The following ZNF236 variants were observed in gnomAD, a reference collection of about 807,000 sequenced individuals.
The protein encoded by ZNF236 is regulated by glucose.
In ZNF236, 50 loss-of-function variants were observed where a neutral mutation model predicts 191.2. The observed-to-expected ratio is 0.26, with a 90% CI of 0.21 to 0.33. The LOEUF (loss-of-function observed/expected upper bound fraction) is 0.33. Among genes scored for constraint, ZNF236 ranks in the 10% least tolerant of loss-of-function variants. The probability of loss-of-function intolerance (pLI) is 1.00; values close to 1 mark genes in which losing one functional copy is unlikely to be tolerated. For missense variants in ZNF236, 1,754 were observed against 2,374.5 expected (o/e 0.74, Z 5.43); for synonymous variants, 907 against 928.8 (o/e 0.98, Z 0.43).
intron 3 of ZNF236, among the ~76,000 whole-genome samples, chr18:76,855,787 G>C (rs925875698): frequency 2.6e-5 from 4 of 152,126 alleles, no homozygotes; most frequent in African/African-American, 7.2e-5. Context: ...TATCTTGTGA[G>C]TAGAGGATGC....
rs1968419159 is a variant in ZNF236, at chr18:76,951,928, G to A, written c.4915-4057G>A. On this transcript the variant is annotated intron_variant, in intron 27 of 30. Coordinates refer to ENST00000320610, the MANE Select transcript of ZNF236 (RefSeq NM_001306089.2). ...AATAGGGAGGCCCAAGGAGAGGTGG[G>A]ATGGCCAGTTGGTGAAGCAGTCAGA... 2.0e-5 allele frequency among the ~76,000 whole-genome samples: 3 copies of A among 152,206 alleles called. 1 individual carries two copies. The South Asian group carries it at 6.2e-4, about 32-fold the overall frequency.
At chr18:76,914,924 A>G (rs1040991713) in intron 18 of ZNF236, among the ~76,000 whole-genome samples, 2 of 152,220 alleles carry the variant, frequency 1.3e-5, no homozygotes, top group Non-Finnish European at 2.9e-5. Flanking sequence ...AGAAACATAG[A>G]GCCAAGCAAA....
chr18:76,860,726 C>G (rs1433686349), intron 3 of ZNF236, among the ~76,000 whole-genome samples: 1 of 152,236 alleles, frequency 6.6e-6, no homozygotes, highest in African/African-American at 2.4e-5. Flanking sequence ...GTTGTAAGAA[C>G]TTACACATTC....
chr18:76,915,739 C>T lies in ZNF236; in HGVS notation c.3154C>T (p.Pro1052Ser). ...CATGGCCACACATATGAGCATGAAGCCTTATAAGTGTCCGTTTTGTGAGGA... is the reference window on the plus strand; with the variant it reads ...CATGGCCACACATATGAGCATGAAGTCTTATAAGTGTCCGTTTTGTGAGGA... ...RHMATHMSMKPYKCPFCEEGF... is the reference protein window; with the variant it reads ...RHMATHMSMKSYKCPFCEEGF... The change falls in exon 19 of 31, where the codon CCT becomes TCT. Residue 1052 changes from proline (P) to serine (S), a missense_variant. By Grantham distance (74) the Pro-to-Ser change is moderately conservative (BLOSUM62 -1). Around this residue, in one of 5 missense-constraint regions of ZNF236, gnomAD observed 641 missense variants for 869.6 expected, o/e 0.74. Coordinates refer to ENST00000320610, the MANE Select transcript of ZNF236 (RefSeq NM_001306089.2). The T allele has an allele frequency of 3.7e-6, 6 of 1,614,062 alleles. No individual in the cohort carries two copies. The highest frequency in any genetic ancestry group is 4.2e-6 in the Non-Finnish European group (5 of 1,180,014).
At position 76,824,138 on chromosome 18, in the gene ZNF236, A is replaced by C; in HGVS notation, c.55+1476A>C. ...TAAAGAGCTTGTGACCAAACAACAC[A>C]GGTGCCCCAGAGAAAGGTCGGGCCT... On this transcript the variant is annotated intron_variant, in intron 1 of 30. Coordinates refer to ENST00000320610, the MANE Select transcript of ZNF236 (RefSeq NM_001306089.2). 6.8e-6 allele frequency: 4 copies of C among 591,596 alleles called. No homozygotes were observed. The South Asian group carries it at 8.2e-5, about 12-fold the overall frequency. The allele number at this position is 591,596 out of a possible 1,614,324, so 36.6% of individuals were successfully genotyped here.
chr18:76,921,737 CTTTTTTT>C (rs11380490), intron 20 of ZNF236, among the ~76,000 whole-genome samples: 1 of 98,050 alleles, frequency 1.0e-5, no homozygotes, highest in African/African-American at 3.8e-5. Context: ...GTGGGATGTT[CTTTTTTT>C]TTTTTTTTTT....
At chr18:76,894,921 C>T (rs1568216732) in intron 9 of ZNF236, 92 bp from the exon 10 acceptor site, 6 of 1,507,260 alleles carry the variant, frequency 4.0e-6, no homozygotes, top group African/African-American at 1.4e-5. Flanking sequence ...ACTGATCATG[C>T]GTGCAGCTTT....
rs1377593771 is a variant in ZNF236 at position 76,880,706 on chromosome 18, G to T, written c.1188+390G>T. 3.9e-5 allele frequency among the ~76,000 whole-genome samples: 6 copies of T among 152,230 alleles called. No homozygotes were observed. In the East Asian group the frequency reaches 1.2e-3, roughly 29 times the overall value. On this transcript the variant is annotated intron_variant, in intron 8 of 30. Coordinates refer to ENST00000320610, the MANE Select transcript of ZNF236 (RefSeq NM_001306089.2). The surrounding 1 kb of genome is among the most constrained non-coding windows in gnomAD (Gnocchi z 5.0). ...TGACAATTCTGAGAGCGTTCATACT[G>T]CCTGGCCTTCTCTCGTGGGTGTGTG...
At position 76,969,892 on chromosome 18, in the gene ZNF236, G is replaced by T. The variant is rs1439408341; in HGVS notation, c.*1553G>T. On this transcript the variant is annotated 3_prime_UTR_variant, in exon 31 of 31. Coordinates refer to ENST00000320610, the MANE Select transcript of ZNF236 (RefSeq NM_001306089.2). ...GTGAAGATATTTAAGTCAGAAAATT[G>T]TTAAATAATATTACTTCTTTTCCAA... 1.3e-5 allele frequency: 2 copies of T among 152,518 alleles called. No individual in the cohort carries two copies. Among genetic ancestry groups the T allele is most frequent in the Non-Finnish European group, 2.9e-5 (2 of 68,018 alleles). The allele number at this position is 152,518 out of a possible 1,614,324, so 9.4% of individuals were successfully genotyped here.
chr18:76,970,677 C>T lies in ZNF236; in HGVS notation c.*2338C>T, dbSNP rs1228479460. The T allele has an allele frequency of 6.6e-6, 1 of 152,482 alleles. No homozygotes were observed. Among genetic ancestry groups the T allele is most frequent in the African/African-American group, 2.4e-5 (1 of 41,448 alleles). 9.4% of individuals were successfully genotyped at this position (152,482 alleles called of 1,614,324 possible). On this transcript the variant is annotated 3_prime_UTR_variant, in exon 31 of 31. Transcript: ENST00000320610. ...AACTGTATTTTTAGAACTATCTCAT[C>T]ATAGCATATCTGCTTTGGAATAACT...
chr18:76,853,135 A>G (rs1255396347), intron 3 of ZNF236, among the ~76,000 whole-genome samples: 1 of 151,780 alleles, frequency 6.6e-6, no homozygotes, highest in African/African-American at 2.4e-5. Context: ...CTGGAGTGCA[A>G]TGGCGCCATC....
At chr18:76,891,101 T>C (rs777740438) in intron 9 of ZNF236, among the ~76,000 whole-genome samples, 6 of 152,244 alleles carry the variant, frequency 3.9e-5, no homozygotes, top group Non-Finnish European at 8.8e-5. Context: ...CAGGAGGCTA[T>C]TGACAGTTAA....
At position 76,919,997 on chromosome 18, in the gene ZNF236, A is replaced by G; in HGVS notation, c.3496A>G (p.Lys1166Glu). The stretch of plus-strand genomic sequence containing the variant: ...GCAGGCGGAGCTGCAGGACGAGCCC[A>G]AGCACGCCAACTGCTGCACATACTG... ...DKQAELQDEP[K>E]HANCCTYCPK... The change falls in exon 20 of 31, where the codon AAG (lysine) becomes GAG (glutamate). Residue 1166 changes from lysine to glutamate, a missense_variant. Lys to Glu is a moderately conservative substitution (Grantham distance 56). Around this residue, in one of 5 missense-constraint regions of ZNF236, gnomAD observed 641 missense variants for 869.6 expected, o/e 0.74. Transcript: ENST00000320610. This position sits in a 1 kb window ranked among gnomAD's most constrained non-coding sequence, Gnocchi z 5.3. The G allele has an allele frequency of 6.2e-7, 1 of 1,613,554 alleles. No homozygotes were observed. The highest frequency in any genetic ancestry group is 8.5e-7 in the Non-Finnish European group (1 of 1,180,014).
At chr18:76,849,486 A>G (rs758852355) in intron 1 of ZNF236, 40 bp from the exon 2 acceptor site, 9 of 1,493,918 alleles carry the variant, frequency 6.0e-6, no homozygotes, top group Non-Finnish European at 8.1e-6. Context: ...GATGAGAATA[A>G]CAACTGGTAT....
At chr18:76,904,589 A>G (rs766790424) in intron 12 of ZNF236, 68 bp downstream of exon 12, 9 of 1,427,930 alleles carry the variant, frequency 6.3e-6, no homozygotes, top group Non-Finnish European at 8.4e-6. Context: ...GATGACGTCT[A>G]GAAGTATTTA....
chr18:76,927,339 G>C lies in ZNF236; in HGVS notation c.4236G>C (p.Thr1412=), dbSNP rs374512685. ...QQGNLLAQQL[T]GEPGLAPQNS... ...GCAACCTATTGGCTCAGCAGCTCACGGGGGAGCCTGGCCTGGCCCCACAGA... is the reference window on the plus strand; with the variant it reads ...GCAACCTATTGGCTCAGCAGCTCACCGGGGAGCCTGGCCTGGCCCCACAGA... The change falls in exon 24 of 31, where the codon ACG becomes ACC. Residue 1412 remains threonine (T), a synonymous_variant. Coordinates refer to ENST00000320610, the MANE Select transcript of ZNF236 (RefSeq NM_001306089.2). This position sits in a 1 kb window ranked among gnomAD's most constrained non-coding sequence, Gnocchi z 5.4. The C allele has an allele frequency of 1.2e-6, 2 of 1,614,046 alleles. No homozygotes were observed. The highest frequency in any genetic ancestry group is 1.3e-5 in the African/African-American group (1 of 74,984).
intron 27 of ZNF236, among the ~76,000 whole-genome samples, chr18:76,952,260 T>C (rs1234356300): frequency 1.3e-5 from 2 of 152,234 alleles, no homozygotes; most frequent in African/African-American, 4.8e-5. Context: ...AAACAAGGTA[T>C]GCCTATAATT....
chr18:76,823,815 G>A (rs889608151), intron 1 of ZNF236, among the ~76,000 whole-genome samples: 5 of 152,154 alleles, frequency 3.3e-5, no homozygotes, highest in Non-Finnish European at 4.4e-5. Context: ...TTCCCAGGTC[G>A]AGGGCAGTGG....
intron 18 of ZNF236, 98 bp from the exon 19 acceptor site, chr18:76,915,549 C>A: frequency 2.8e-6 from 3 of 1,071,750 alleles, no homozygotes; most frequent in Non-Finnish European, 2.8e-6. Flanking sequence ...AATGTTGTAA[C>A]TTATTAAACA....
Sources: allele counts gnomAD v4.1 joint callset (sites outside exome capture counted in the v4.1 genomes callset), GRCh38; gene constraint gnomAD v4.1.1; regional missense constraint gnomAD v4.1.1; non-coding constraint Gnocchi (gnomAD v3.1); transcripts MANE v1.5; gene names NCBI Gene and HGNC (gene_info 2026-07-23, HGNC 2026-07-21).